The following TRPS1 variants were observed in gnomAD, a reference collection of about 807,000 sequenced individuals.
TRPS1 encodes the protein transcriptional repressor GATA binding 1.
In TRPS1, 6 loss-of-function variants were observed where a neutral mutation model predicts 101.2. The observed-to-expected ratio is 0.06, with a 90% confidence interval of 0.03 to 0.12. The LOEUF (loss-of-function observed/expected upper bound fraction) is 0.12, where lower values mean the gene tolerates loss of function less well. TRPS1 is among the 10% of genes least tolerant of loss of function. The pLI is 1.00. For missense variants in TRPS1, 1,363 were observed against 1,567.0 expected, an observed-to-expected ratio of 0.87 and a Z score of 2.20; for synonymous variants, 578 against 589.8, an observed-to-expected ratio of 0.98 and a Z score of 0.29.
intron 5 of TRPS1, among the ~76,000 whole-genome samples, chr8:115,543,559 T>G (rs1816502718): frequency 6.6e-6 from 1 of 152,098 alleles, no homozygotes; most frequent in Non-Finnish European, 1.5e-5. Flanking sequence ...TATACCAAGA[T>G]AAAAAGTTTT....
At chr8:115,452,544 T>C (rs1457433860) in intron 5 of TRPS1, among the ~76,000 whole-genome samples, 1 of 152,242 alleles carries the variant, frequency 6.6e-6, no homozygotes, top group Non-Finnish European at 1.5e-5. Flanking sequence ...TTCTGACAGA[T>C]ATAAGACAGT....
intron 5 of TRPS1, among the ~76,000 whole-genome samples, chr8:115,507,543 A>G (rs1350033347): frequency 6.6e-6 from 1 of 151,786 alleles, no homozygotes; most frequent in Admixed American, 6.6e-5. Context: ...GAAACGACTC[A>G]TCTACACGCA....
intron 5 of TRPS1, among the ~76,000 whole-genome samples, chr8:115,429,241 A>G (rs1586264941): frequency 6.6e-6 from 1 of 152,108 alleles, no homozygotes. Flanking sequence ...TCAATTACCA[A>G]CTTGTCTGCA....
chr8:115,490,420 T>C (rs1814992560), intron 5 of TRPS1, among the ~76,000 whole-genome samples: 1 of 152,170 alleles, frequency 6.6e-6, no homozygotes, highest in Non-Finnish European at 1.5e-5. Flanking sequence ...CACAATCTAC[T>C]ATATACACAC....
At chr8:115,530,453 T>G (rs1286610993) in intron 5 of TRPS1, among the ~76,000 whole-genome samples, 1 of 152,056 alleles carries the variant, frequency 6.6e-6, no homozygotes, top group Non-Finnish European at 1.5e-5. Flanking sequence ...ACAAGTTAGG[T>G]GTATAGTCCT....
chr8:115,610,088 G>A (rs1159831861), intron 3 of TRPS1, among the ~76,000 whole-genome samples: 1 of 152,176 alleles, frequency 6.6e-6, no homozygotes, highest in Non-Finnish European at 1.5e-5. Context: ...CAAAGAAAGA[G>A]TTGTTTGAAC....
intron 5 of TRPS1, among the ~76,000 whole-genome samples, chr8:115,527,206 GCCTT>G (rs1463054579): frequency 6.6e-6 from 1 of 151,498 alleles, no homozygotes; most frequent in African/African-American, 2.4e-5. Flanking sequence ...TTCTGACTCC[GCCTT>G]CTTATTAATT....
intron 5 of TRPS1, among the ~76,000 whole-genome samples, chr8:115,514,104 G>A (rs1293629616): frequency 6.6e-6 from 1 of 151,692 alleles, no homozygotes; most frequent in African/African-American, 2.4e-5. Context: ...GCCTATTGCA[G>A]GACATATGTG....
At position 115,414,283 on chromosome 8, in the gene TRPS1, G is replaced by T. The variant is rs564699571; in HGVS notation, c.3625C>A (p.Pro1209Thr). ...KAPPNVKNEG[P>T]LNVVKTEKVD... Reference sequence around the variant, plus strand: ...TTCTCTGTTTTTACTACATTCAAGGGACCTTCATTTTTTACATTTGGTGGT... The same window carrying T: ...TTCTCTGTTTTTACTACATTCAAGGTACCTTCATTTTTTACATTTGGTGGT... The change falls in exon 7 of 7, where the codon CCC becomes ACC. Residue 1209 changes from proline (P) to threonine (T), a missense_variant. Physicochemically the swap from Pro to Thr is conservative, Grantham distance 38. This residue lies in a region of TRPS1 where 307 missense variants were observed against 392.4 expected (regional missense o/e 0.78). Transcript: ENST00000395715. This position sits in a 1 kb window ranked among gnomAD's most constrained non-coding sequence, Gnocchi z 4.8. 15 of 1,613,922 alleles carry T rather than the reference G, an allele frequency of 9.3e-6. No homozygotes were observed. The South Asian group carries it at 1.6e-4, about 18-fold the overall frequency.
chr8:115,490,596 T>C (rs1814996637), intron 5 of TRPS1, among the ~76,000 whole-genome samples: 1 of 152,208 alleles, frequency 6.6e-6, no homozygotes, highest in South Asian at 2.1e-4. Context: ...CGATCTTTTA[T>C]ATTGTGTCTC....
Position 115,647,660 on chromosome 8 carries a change from G to A in TRPS1, c.-122+20885C>T, listed in dbSNP as rs538415536. On this transcript the variant is annotated intron_variant, in intron 1 of 6. Transcript: ENST00000395715. ...CAAAATATCAGAAACACTTTAAGCA[G>A]CTCCTTGAAAACGCTATATGACAAA... is the stretch of plus-strand genomic sequence containing the variant. Among the ~76,000 whole-genome samples the A allele has an allele frequency of 1.8e-4, 28 of 152,232 alleles. 1 individual carries two copies. The highest frequency in any genetic ancestry group is 6.0e-4 in the African/African-American group (25 of 41,544).
At chr8:115,553,235 A>C (rs1816742907) in intron 5 of TRPS1, among the ~76,000 whole-genome samples, 1 of 152,002 alleles carries the variant, frequency 6.6e-6, no homozygotes, top group Non-Finnish European at 1.5e-5. Context: ...GTTGCTTTTT[A>C]CCAAGATTAT....
intron 4 of TRPS1, among the ~76,000 whole-genome samples, chr8:115,592,785 T>C (rs7838160): frequency 6.6e-6 from 1 of 152,146 alleles, no homozygotes; most frequent in African/African-American, 2.4e-5. Context: ...TAGAATCTAA[T>C]ATTCTGTGTT....
At position 115,662,783 on chromosome 8, in the gene TRPS1, G is replaced by A. The variant is rs1435366487; in HGVS notation, c.-122+5762C>T. ...AATTGTAAGAAAAAAAGAGCTGCCT[G>A]TAGAAACGCACTGACCCTTAAAATT... On this transcript the variant is annotated intron_variant, in intron 1 of 6. Coordinates refer to ENST00000395715, the MANE Select transcript of TRPS1 (RefSeq NM_014112.5). Among the ~76,000 whole-genome samples, 3 of 151,590 alleles carry A rather than the reference G, an allele frequency of 2.0e-5. No individual in the cohort carries two copies. In the East Asian group the frequency reaches 5.8e-4, roughly 29 times the overall value.
intron 3 of TRPS1, among the ~76,000 whole-genome samples, chr8:115,614,390 T>C (rs1818234053): frequency 6.6e-6 from 1 of 152,172 alleles, no homozygotes; most frequent in Admixed American, 6.5e-5. Context: ...TGATACCAAC[T>C]GTCATGAACA....
chr8:115,620,117 A>G (rs1818361413), intron 2 of TRPS1, 57 bp from the exon 3 acceptor site: 2 of 1,546,530 alleles, frequency 1.3e-6, no homozygotes, highest in South Asian at 2.3e-5. Context: ...ACAGAGATAC[A>G]GTTGAATCTG....
intron 4 of TRPS1, among the ~76,000 whole-genome samples, chr8:115,595,804 G>T (rs540660873): frequency 6.6e-6 from 1 of 151,916 alleles, no homozygotes; most frequent in Admixed American, 6.6e-5. Context: ...AGAAGCATTA[G>T]TTCCGAAATT....
intron 4 of TRPS1, among the ~76,000 whole-genome samples, chr8:115,595,802 T>C (rs188812973): frequency 3.2e-4 from 48 of 152,014 alleles, no homozygotes; most frequent in South Asian, 6.2e-4. Flanking sequence ...TCAGAAGCAT[T>C]AGTTCCGAAA....
At chr8:115,588,389 A>G (rs1340612319) in intron 4 of TRPS1, among the ~76,000 whole-genome samples, 1 of 152,216 alleles carries the variant, frequency 6.6e-6, no homozygotes, top group Non-Finnish European at 1.5e-5. Context: ...CATTCAAGAA[A>G]TTGAGTGTCT....
Sources: gnomAD v4.1 joint callset for allele counts (sites outside exome capture counted in the v4.1 genomes callset) on GRCh38, gnomAD v4.1.1 for gene constraint, gnomAD v4.1.1 regional missense constraint, Gnocchi (gnomAD v3.1) non-coding constraint, MANE v1.5 for transcripts, NCBI Gene and HGNC (gene_info 2026-07-23, HGNC 2026-07-21) for gene names.